Variants in AIG1 observed in about 807,000 individuals in gnomAD.
The protein encoded by AIG1 is androgen induced 1, also known as androgen-induced gene 1 protein.
AIG1 carries 23 observed loss-of-function variants against 31.4 expected under a neutral mutation model. The observed-to-expected ratio is 0.73, with a 90% CI of 0.53 to 1.04. The LOEUF (loss-of-function observed/expected upper bound fraction) is 1.04, where lower values mean the gene tolerates loss of function less well. Ranked by LOEUF, AIG1 falls within the 50% of genes least tolerant of loss-of-function variation. The pLI, the probability that AIG1 is intolerant of heterozygous loss-of-function variation, is 0.00. For synonymous variants in AIG1, 100 were observed against 110.5 expected (o/e 0.90, Z 0.60); for missense variants, 274 against 295.0 (o/e 0.93, Z 0.52).
intron 3 of AIG1, among the ~76,000 whole-genome samples, chr6:143,240,540 T>C (rs1020637652): frequency 2.0e-5 from 3 of 152,184 alleles, no homozygotes; most frequent in Admixed American, 6.5e-5. Flanking sequence ...TATGACATCA[T>C]AGACCGAGCA....
intron 3 of AIG1, among the ~76,000 whole-genome samples, chr6:143,261,368 G>A (rs948293842): frequency 6.6e-6 from 1 of 152,256 alleles, no homozygotes; most frequent in African/African-American, 2.4e-5. Context: ...CTGACCTCAG[G>A]TGATCCACCC....
intron 3 of AIG1, among the ~76,000 whole-genome samples, chr6:143,278,666 G>A (rs1161895816): frequency 1.3e-5 from 2 of 151,376 alleles, no homozygotes; most frequent in Admixed American, 6.6e-5. Context: ...ACGGGGTTTC[G>A]CCAAGTTGAC....
At position 143,331,130 on chromosome 6, in the gene AIG1, C is replaced by T. The variant is rs2128722308; in HGVS notation, c.516-2152C>T. On this transcript the variant is annotated intron_variant, in intron 4 of 5. Transcript: ENST00000357847. The surrounding 1 kb of genome is among the most constrained non-coding windows in gnomAD (Gnocchi z 4.1). ...ATTACTACTTCCCTCTACCAAGGAA[C>T]CTTTGTAGACCTGTTTTTTTTTTCC... Among the ~76,000 whole-genome samples the T allele has an allele frequency of 6.6e-6, 1 of 152,174 alleles. No individual in the cohort carries two copies. The highest frequency in any genetic ancestry group is 1.9e-4 in the East Asian group (1 of 5,176).
At chr6:143,186,714 A>G (rs902365557) in intron 3 of AIG1, 14 of 152,324 alleles carry the variant, frequency 9.2e-5, no homozygotes, top group African/African-American at 3.1e-4. Context: ...CTGCACTTCT[A>G]ATGAATGCAG....
chr6:143,165,046 A>C, intron 2 of AIG1, 36 bp from the exon 3 acceptor site: 3 of 1,468,820 alleles, frequency 2.0e-6, no homozygotes, highest in Non-Finnish European at 2.9e-6. Flanking sequence ...TGGATAGTCG[A>C]TGAACTTGAA....
At position 143,152,353 on chromosome 6, in the gene AIG1, C is replaced by T. The variant is rs868454696; in HGVS notation, c.298-12729C>T. Among the ~76,000 whole-genome samples the T allele has an allele frequency of 9.9e-5, 15 of 152,134 alleles. 1 individual carries two copies. In the Middle Eastern group the frequency reaches 0.01, roughly 103 times the overall value. The stretch of plus-strand genomic sequence containing the variant: ...AATATTCATATTAATGTAATTTTAT[C>T]GAATAACTATAGTCCCCTTTTATTT... On this transcript the variant is annotated intron_variant, in intron 2 of 5. Transcript: ENST00000357847.
chr6:143,116,015 G>T (rs1271517990), intron 1 of AIG1, among the ~76,000 whole-genome samples: 1 of 152,196 alleles, frequency 6.6e-6, no homozygotes, highest in Non-Finnish European at 1.5e-5. Flanking sequence ...AAGAGTTGGT[G>T]ATACAGGAAT....
intron 3 of AIG1, among the ~76,000 whole-genome samples, chr6:143,214,060 A>AT (rs1317361311): frequency 2.0e-5 from 3 of 152,116 alleles, no homozygotes; most frequent in Non-Finnish European, 4.4e-5. Context: ...CATATGCTTG[A>AT]TTTTTCCTAT....
At chr6:143,068,720 A>G (rs1197228689) in intron 1 of AIG1, among the ~76,000 whole-genome samples, 2 of 152,110 alleles carry the variant, frequency 1.3e-5, no homozygotes, top group Non-Finnish European at 2.9e-5. Flanking sequence ...CTTGCATCTT[A>G]GCATTTTAGT....
intron 3 of AIG1, among the ~76,000 whole-genome samples, chr6:143,193,650 T>C (rs907945486): frequency 5.3e-5 from 8 of 152,250 alleles, no homozygotes; most frequent in Admixed American, 2.6e-4. Flanking sequence ...TATGTGAACT[T>C]CATCATAAAA....
intron 1 of AIG1, among the ~76,000 whole-genome samples, chr6:143,110,217 C>T (rs192158778): frequency 8.5e-5 from 13 of 152,274 alleles, no homozygotes; most frequent in Admixed American, 5.9e-4. Flanking sequence ...CATACCATTC[C>T]GATGACTATA....
rs1798102982 is a variant in AIG1 at position 143,292,157 on chromosome 6, G to C, written c.515+7932G>C. Among the ~76,000 whole-genome samples, 1 of 152,278 alleles carries C rather than the reference G, an allele frequency of 6.6e-6. No homozygotes were observed. The highest frequency in any genetic ancestry group is 2.1e-4 in the South Asian group (1 of 4,826). ...TTTAATAATGTTTAACCTTGGTATG[G>C]AAGGCAAAATAATGCTCACCACAAG... On this transcript the variant is annotated intron_variant, in intron 4 of 5. Coordinates refer to ENST00000357847, the MANE Select transcript of AIG1 (RefSeq NM_016108.4). The surrounding 1 kb of genome is among the most constrained non-coding windows in gnomAD (Gnocchi z 4.9).
intron 2 of AIG1, among the ~76,000 whole-genome samples, chr6:143,161,369 A>T (rs1786358122): frequency 6.6e-6 from 1 of 152,064 alleles, no homozygotes; most frequent in African/African-American, 2.4e-5. Flanking sequence ...ACACTTCCCA[A>T]CTCACCTTTT....
chr6:143,138,010 C>A (rs1458328696), intron 2 of AIG1, among the ~76,000 whole-genome samples: 1 of 152,160 alleles, frequency 6.6e-6, no homozygotes, highest in Admixed American at 6.5e-5. Flanking sequence ...TGGTAGAAGG[C>A]CCTACATGCT....
chr6:143,084,440 C>G (rs1778579867), intron 1 of AIG1, among the ~76,000 whole-genome samples: 1 of 152,174 alleles, frequency 6.6e-6, no homozygotes, highest in Non-Finnish European at 1.5e-5. Context: ...CCTCCAAAGT[C>G]TGCTTGCCTG....
At chr6:143,072,860 C>A (rs903342838) in intron 1 of AIG1, among the ~76,000 whole-genome samples, 1 of 152,092 alleles carries the variant, frequency 6.6e-6, no homozygotes, top group East Asian at 1.9e-4. Flanking sequence ...CAGATTTGCC[C>A]ATTTTTTGAT....
At chr6:143,295,516 C>G (rs1341431516) in intron 4 of AIG1, among the ~76,000 whole-genome samples, 1 of 152,144 alleles carries the variant, frequency 6.6e-6, no homozygotes, top group Non-Finnish European at 1.5e-5. Context: ...ACACAGTGAT[C>G]TTCTCTGATT....
chr6:143,260,103 A>C (rs1795649992), intron 3 of AIG1, among the ~76,000 whole-genome samples: 1 of 144,274 alleles, frequency 6.9e-6, no homozygotes, highest in Non-Finnish European at 1.5e-5. Flanking sequence ...GGCTCACTGC[A>C]AGCTCCGCCT....
At chr6:143,072,470 G>T (rs1054723979) in intron 1 of AIG1, among the ~76,000 whole-genome samples, 6 of 152,106 alleles carry the variant, frequency 3.9e-5, no homozygotes, top group Non-Finnish European at 8.8e-5. Flanking sequence ...GTTTTAGGTA[G>T]ATGAGGAGAG....
Sources: gnomAD v4.1 joint callset for allele counts (sites outside exome capture counted in the v4.1 genomes callset) on GRCh38, gnomAD v4.1.1 for gene constraint, Gnocchi (gnomAD v3.1) non-coding constraint, MANE v1.5 for transcripts, NCBI Gene and HGNC (gene_info 2026-07-23, HGNC 2026-07-21) for gene names.